CCNB2: variants seen among roughly 807,000 people sequenced by gnomAD.
CCNB2 encodes G2/mitotic-specific cyclin-B2.
Under a neutral mutation model 51.1 loss-of-function variants are expected in CCNB2, and 39 were observed. That is an observed-to-expected ratio of 0.76 (90% CI 0.59 to 1.00). CCNB2 has a LOEUF of 1.00. Ranked by LOEUF, CCNB2 falls within the 50% of genes least tolerant of loss-of-function variation. The pLI is 0.00. For synonymous variants in CCNB2, 174 were observed against 165.5 expected (o/e 1.05, Z -0.40); for missense variants, 472 against 470.3 (o/e 1.00, Z -0.03).
intron 7 of CCNB2, among the ~76,000 whole-genome samples, 175 bp downstream of exon 7, chr15:59,117,543 A>C (rs1483489492): frequency 6.6e-6 from 1 of 152,190 alleles, no homozygotes; most frequent in Non-Finnish European, 1.5e-5. Flanking sequence ...ATCACAGCCC[A>C]CTGCAGCCTT....
chr15:59,109,940 T>C (rs2079251350), intron 3 of CCNB2, among the ~76,000 whole-genome samples: 1 of 152,200 alleles, frequency 6.6e-6, no homozygotes, highest in Admixed American at 6.5e-5. Flanking sequence ...TGAGCCGAGA[T>C]TGTGCCACTG....
intron 3 of CCNB2, among the ~76,000 whole-genome samples, chr15:59,113,867 T>G (rs2079267780): frequency 6.6e-6 from 1 of 152,034 alleles, no homozygotes; most frequent in Non-Finnish European, 1.5e-5. Context: ...GCCCAGCTAG[T>G]TTTTGTATTT....
chr15:59,114,963 C>G, intron 5 of CCNB2, 87 bp downstream of exon 5: 1 of 1,364,504 alleles, frequency 7.3e-7, no homozygotes, highest in Non-Finnish European at 9.9e-7. Context: ...GTGGGTACTT[C>G]TGAAAAAAAG....
At chr15:59,117,631 G>A (rs1204465607) in intron 7 of CCNB2, among the ~76,000 whole-genome samples, 2 of 152,024 alleles carry the variant, frequency 1.3e-5, no homozygotes, top group Admixed American at 6.6e-5. Context: ...ACCATGCCTC[G>A]CTAATTTTTG....
chr15:59,109,074 G>A (rs28383505), intron 3 of CCNB2, among the ~76,000 whole-genome samples: 36,336 of 151,990 alleles, frequency 0.24, 4,582 homozygotes, highest in East Asian at 0.4. Context: ...GGGGGGGGAC[G>A]GAGTCTTGCT....
intron 7 of CCNB2, among the ~76,000 whole-genome samples, chr15:59,119,460 C>CAAAA (rs370628686): frequency 0.011 from 963 of 83,810 alleles, 20 homozygotes; most frequent in Middle Eastern, 0.046. Context: ...ACCCTGTCTC[C>CAAAA]AAAAAAAAAA....
chr15:59,117,416 T>C (rs762302609), intron 7 of CCNB2, 48 bp downstream of exon 7: 41 of 1,577,986 alleles, frequency 2.6e-5, no homozygotes, highest in Non-Finnish European at 3.4e-5. Context: ...ATTTTAGTCC[T>C]TCGTAATACA....
chr15:59,123,701 G>GC (rs1313953407), intron 8 of CCNB2, 74 bp downstream of exon 8: 4 of 711,324 alleles, frequency 5.6e-6, no homozygotes, highest in Non-Finnish European at 9.9e-6. Context: ...GGCGGGGGGG[G>GC]GCGGTGTGTG....
chr15:59,124,872 T>A lies in CCNB2; in HGVS notation c.1192T>A (p.Ser398Thr). 1 of 1,572,432 alleles carries A rather than the reference T, an allele frequency of 6.4e-7. No homozygotes were observed. Among genetic ancestry groups the A allele is most frequent in the Non-Finnish European group, 8.6e-7 (1 of 1,160,694 alleles). ...KDLASPLIGRS is the reference protein window; with the variant it reads ...KDLASPLIGRT ...CCTTGCCTCCCCACTGATAGGAAGG[T>A]CCTAGGCTGCCGTGGCCCCTGGGGA... is the stretch of plus-strand genomic sequence containing the variant. The change falls in exon 9 of 9, where the codon TCC becomes ACC. Residue 398 changes from serine to threonine, a missense_variant. Ser to Thr is a moderately conservative substitution (Grantham distance 58). Transcript: ENST00000288207.
intron 1 of CCNB2, among the ~76,000 whole-genome samples, chr15:59,105,802 T>C (rs909497085): frequency 1.3e-5 from 2 of 152,326 alleles, no homozygotes; most frequent in Middle Eastern, 3.4e-3. Flanking sequence ...CACATTTCTT[T>C]TTGTATGAGT....
chr15:59,107,803 T>C (rs2079242219), intron 3 of CCNB2, 133 bp downstream of exon 3: 2 of 672,856 alleles, frequency 3.0e-6, no homozygotes, highest in Non-Finnish European at 5.1e-6. Flanking sequence ...AGCAATAGTG[T>C]AGGAAATGAG....
intron 3 of CCNB2, among the ~76,000 whole-genome samples, chr15:59,109,282 C>T (rs1395622582): frequency 1.3e-5 from 2 of 152,140 alleles, no homozygotes; most frequent in Non-Finnish European, 2.9e-5. Context: ...TGCCCCCGCC[C>T]CTCAAAGTGC....
intron 5 of CCNB2, among the ~76,000 whole-genome samples, 173 bp from the exon 6 acceptor site, chr15:59,116,517 T>TGCTCAATTA (rs1409656456): frequency 1.2e-5 from 1 of 85,862 alleles, no homozygotes; most frequent in Non-Finnish European, 2.6e-5. Context: ...TAGCACACAG[T>TGCTCAATTA]GCTCAATTAC....
chr15:59,123,747 T>G, intron 8 of CCNB2, 120 bp downstream of exon 8: 2 of 654,250 alleles, frequency 3.1e-6, no homozygotes, highest in Non-Finnish European at 5.6e-6. Flanking sequence ...TGTGGGAGTT[T>G]TAGCACAAAT....
intron 1 of CCNB2, 137 bp downstream of exon 1, chr15:59,105,429 C>G (rs539635755): frequency 3.0e-6 from 3 of 1,006,238 alleles, no homozygotes; most frequent in African/African-American, 3.2e-5. Flanking sequence ...CTGCTTCGCC[C>G]GCGTCCCTGG....
intron 4 of CCNB2, 32 bp from the exon 5 acceptor site, chr15:59,114,686 T>G: frequency 6.3e-7 from 1 of 1,592,626 alleles, no homozygotes. Context: ...GCAAACAAGG[T>G]CAGCTTTTTA....
chr15:59,116,955 ATTTTTGC>A, intron 6 of CCNB2, 29 bp downstream of exon 6: 1 of 1,554,010 alleles, frequency 6.4e-7, no homozygotes, highest in Non-Finnish European at 8.8e-7. Flanking sequence ...GTAAGAGACT[ATTTTTGC>A]TTGGTGTCTC....
rs541314841 is a variant in CCNB2 at position 59,109,143 on chromosome 15, C to T, written c.267+1473C>T. 1.1e-4 allele frequency among the ~76,000 whole-genome samples: 17 copies of T among 152,262 alleles called. No homozygotes were observed. In the South Asian group the frequency reaches 1.7e-3, roughly 15 times the overall value. ...TCTGCTAACTGCAACCTCCGCCTCC[C>T]GGGTTCAAGCGATTCTCCTGTCTCA... On this transcript the variant is annotated intron_variant, in intron 3 of 8. Transcript: ENST00000288207.
chr15:59,106,761 A>G (rs539063569), intron 1 of CCNB2, among the ~76,000 whole-genome samples: 1 of 152,354 alleles, frequency 6.6e-6, no homozygotes, highest in Non-Finnish European at 1.5e-5. Flanking sequence ...ACCTCATTTT[A>G]AAAAGCTGTA....
Sources: gnomAD v4.1 joint callset for allele counts (sites outside exome capture counted in the v4.1 genomes callset) on GRCh38, gnomAD v4.1.1 for gene constraint, MANE v1.5 for transcripts, NCBI Gene and HGNC (gene_info 2026-07-23, HGNC 2026-07-21) for gene names.